DLG2: variants seen among roughly 807,000 people sequenced by gnomAD.
The protein encoded by DLG2 is disks large homolog 2.
DLG2 carries 45 observed loss-of-function variants against 132.5 expected under a neutral mutation model. The ratio of observed to expected loss-of-function variants is 0.34; its 90% CI spans 0.27 to 0.44. The LOEUF is 0.44. DLG2 is among the 20% of genes least tolerant of loss of function. The pLI, the probability that DLG2 is intolerant of heterozygous loss-of-function variation, is 1.00. For missense variants in DLG2, 1,045 were observed against 1,196.9 expected, an observed-to-expected ratio of 0.87 and a Z score of 1.87; for synonymous variants, 424 against 419.6, an observed-to-expected ratio of 1.01 and a Z score of -0.13.
intron 11 of DLG2, among the ~76,000 whole-genome samples, chr11:84,016,408 T>A (rs1464855171): frequency 6.6e-6 from 1 of 152,150 alleles, no homozygotes; most frequent in Non-Finnish European, 1.5e-5. Flanking sequence ...GGTGTCTTCA[T>A]CATAAAATGT....
chr11:84,989,348 A>G (rs1256087909), intron 6 of DLG2, among the ~76,000 whole-genome samples: 2 of 151,952 alleles, frequency 1.3e-5, no homozygotes, highest in Non-Finnish European at 2.9e-5. Flanking sequence ...GCTAATTTTT[A>G]TATTTTTAGT....
intron 6 of DLG2, among the ~76,000 whole-genome samples, chr11:85,102,883 TA>T (rs1447365099): frequency 6.6e-6 from 1 of 151,984 alleles, no homozygotes; most frequent in Non-Finnish European, 1.5e-5. Flanking sequence ...GAAAATCCTA[TA>T]AAATTTTCTA....
intron 6 of DLG2, among the ~76,000 whole-genome samples, chr11:84,662,981 G>T (rs1429671600): frequency 1.3e-5 from 2 of 151,844 alleles, no homozygotes; most frequent in Admixed American, 1.3e-4. Flanking sequence ...GCCCTACCAG[G>T]TTACAGGGTA....
At chr11:83,686,410 T>C (rs1469625002) in intron 18 of DLG2, among the ~76,000 whole-genome samples, 2 of 152,122 alleles carry the variant, frequency 1.3e-5, no homozygotes, top group Non-Finnish European at 2.9e-5. Context: ...GTATATTAAA[T>C]GTATATATGA....
At chr11:85,267,105 T>C (rs1294161450) in intron 4 of DLG2, among the ~76,000 whole-genome samples, 7 of 152,178 alleles carry the variant, frequency 4.6e-5, no homozygotes, top group African/African-American at 1.7e-4. Context: ...CCCAATGTGA[T>C]GTTATTTAGG....
chr11:85,519,063 G>C (rs1013925610), intron 3 of DLG2, among the ~76,000 whole-genome samples: 3 of 152,150 alleles, frequency 2.0e-5, no homozygotes, highest in African/African-American at 7.2e-5. Context: ...GTTTGCTGTG[G>C]GGGCAGGGCC....
chr11:84,618,850 A>G (rs543139891), intron 6 of DLG2, among the ~76,000 whole-genome samples: 258 of 152,252 alleles, frequency 1.7e-3, no homozygotes, highest in African/African-American at 6.0e-3. Flanking sequence ...TAAGATTATC[A>G]GACACATAAT....
intron 18 of DLG2, among the ~76,000 whole-genome samples, chr11:83,748,913 A>C (rs1161883976): frequency 6.6e-6 from 1 of 152,238 alleles, no homozygotes; most frequent in African/African-American, 2.4e-5. Flanking sequence ...AATGAAAGAT[A>C]ATATTTTCCG....
At chr11:83,727,305 C>A (rs763801943) in intron 18 of DLG2, among the ~76,000 whole-genome samples, 18 of 152,026 alleles carry the variant, frequency 1.2e-4, no homozygotes, top group Non-Finnish European at 1.9e-4. Flanking sequence ...CTTGAGGGAC[C>A]CAGGGTTCCA....
intron 6 of DLG2, among the ~76,000 whole-genome samples, chr11:84,801,829 G>A (rs1406895480): frequency 1.3e-5 from 2 of 152,086 alleles, no homozygotes; most frequent in Admixed American, 6.5e-5. Flanking sequence ...CTACTACATT[G>A]AACATCCATA....
chr11:84,531,487 GATAA>G (rs570070013), intron 7 of DLG2, among the ~76,000 whole-genome samples: 8 of 152,104 alleles, frequency 5.3e-5, no homozygotes, highest in South Asian at 2.1e-4. Context: ...ACAAGTTTAA[GATAA>G]ATAAATAAAT....
chr11:83,461,775 G>T (rs752721184), intron 27 of DLG2: 1 of 500,196 alleles, frequency 2.0e-6, no homozygotes, highest in African/African-American at 1.9e-5. Flanking sequence ...TTTGGGTAGG[G>T]CTGGTGGGAA....
intron 6 of DLG2, among the ~76,000 whole-genome samples, chr11:84,566,848 G>T (rs1391594952): frequency 6.6e-6 from 1 of 152,186 alleles, no homozygotes; most frequent in East Asian, 1.9e-4. Flanking sequence ...CCCTGATGCA[G>T]TCCTTTCTCG....
intron 6 of DLG2, among the ~76,000 whole-genome samples, chr11:84,975,694 G>A (rs1227975020): frequency 1.3e-5 from 2 of 152,132 alleles, no homozygotes; most frequent in South Asian, 2.1e-4. Context: ...ATTAAGAAGA[G>A]GGGATAATTG....
At chr11:84,857,370 A>G (rs548202910) in intron 6 of DLG2, among the ~76,000 whole-genome samples, 6 of 152,092 alleles carry the variant, frequency 3.9e-5, no homozygotes, top group Admixed American at 1.3e-4. Flanking sequence ...ATTATGCAAA[A>G]TAGCTAGCAC....
chr11:83,576,966 A>T (rs1302977552), intron 19 of DLG2, among the ~76,000 whole-genome samples: 2 of 152,214 alleles, frequency 1.3e-5, no homozygotes, highest in Non-Finnish European at 2.9e-5. Context: ...GGATTGAAGG[A>T]TACAAAGTAT....
chr11:84,912,256 C>T (rs540045995), intron 6 of DLG2, among the ~76,000 whole-genome samples: 3 of 152,268 alleles, frequency 2.0e-5, no homozygotes, highest in East Asian at 3.9e-4. Context: ...CCTGGGTTCA[C>T]GCCATTCTCC....
At chr11:84,777,255 TTGTG>T (rs1161831079) in intron 6 of DLG2, among the ~76,000 whole-genome samples, 55 of 139,080 alleles carry the variant, frequency 4.0e-4, no homozygotes, top group South Asian at 1.2e-3. Flanking sequence ...ATAGTATCCA[TTGTG>T]TGTGTATGTA....
At chr11:83,589,150 A>G (rs903814539) in intron 19 of DLG2, among the ~76,000 whole-genome samples, 8 of 151,148 alleles carry the variant, frequency 5.3e-5, no homozygotes, top group Non-Finnish European at 1.5e-5. Flanking sequence ...TGCCACAAAG[A>G]TACTCCTCGA....
Sources: gnomAD v4.1 joint callset for allele counts (sites outside exome capture counted in the v4.1 genomes callset) on GRCh38, gnomAD v4.1.1 for gene constraint, MANE v1.5 for transcripts, NCBI Gene and HGNC (gene_info 2026-07-23, HGNC 2026-07-21) for gene names.